Variants in AOPEP observed in about 807,000 individuals in gnomAD.
AOPEP encodes aminopeptidase O.
In AOPEP, 77 loss-of-function variants were observed where a neutral mutation model predicts 98.1. The observed-to-expected ratio is 0.78, with a 90% CI of 0.65 to 0.95. AOPEP has a LOEUF of 0.95. Among genes scored for constraint, AOPEP ranks in the 40% least tolerant of loss-of-function variants. The pLI is 0.00. For missense variants in AOPEP, 1,024 were observed against 1,024.7 expected, an observed-to-expected ratio of 1.00 and a Z score of 0.01; for synonymous variants, 346 against 365.3, an observed-to-expected ratio of 0.95 and a Z score of 0.60.
At chr9:94,993,261 T>G (rs181033370) in intron 11 of AOPEP, among the ~76,000 whole-genome samples, 1 of 152,286 alleles carries the variant, frequency 6.6e-6, no homozygotes, top group East Asian at 1.9e-4. Context: ...TTTTGAGACA[T>G]AGAGATAAAA....
At chr9:94,971,476 G>A (rs1589126207) in intron 10 of AOPEP, among the ~76,000 whole-genome samples, 1 of 152,200 alleles carries the variant, frequency 6.6e-6, no homozygotes. Context: ...TATTAGTTAT[G>A]CGACATATTG....
the AOPEP span, among the ~76,000 whole-genome samples, chr9:95,133,871 G>T: frequency 6.6e-6 from 1 of 152,186 alleles, no homozygotes; most frequent in Non-Finnish European, 1.5e-5. Flanking sequence ...CTGTCAGAGG[G>T]CTTCTGAAAG....
chr9:94,982,564 A>AATT (rs1564480333), intron 11 of AOPEP, among the ~76,000 whole-genome samples: 5 of 140,096 alleles, frequency 3.6e-5, no homozygotes, highest in African/African-American at 1.4e-4. Context: ...CAAGAGCAAT[A>AATT]CTTTTTTTTT....
chr9:94,882,394 TAAAG>T (rs147118597), intron 5 of AOPEP, among the ~76,000 whole-genome samples: 2,453 of 152,354 alleles, frequency 0.016, 73 homozygotes, highest in African/African-American at 0.056. Flanking sequence ...GCATACCAAT[TAAAG>T]AACACATCTC....
At chr9:94,925,264 C>T (rs1407842808) in intron 6 of AOPEP, among the ~76,000 whole-genome samples, 3 of 152,250 alleles carry the variant, frequency 2.0e-5, no homozygotes, top group African/African-American at 7.2e-5. Context: ...GCTGGGATTA[C>T]AGGCGTGAGC....
In AOPEP at chr9:94,760,025, A is replaced by G; in HGVS notation, c.242A>G (p.His81Arg). ...AAATTTGGGATGCCTGAACCCTGCC[A>G]TATTCCCGTGACAAATGCAAGGACC... ...ACKFGMPEPC[H>R]IPVTNARTFS... Residue 81 changes from histidine to arginine, a missense_variant, in exon 2 of 17, where the codon CAT (histidine) becomes CGT (arginine). His to Arg is a conservative substitution (Grantham distance 29). Transcript: ENST00000375315. 1 of 1,614,246 alleles carries G rather than the reference A, an allele frequency of 6.2e-7. No homozygotes were observed. The highest frequency in any genetic ancestry group is 8.5e-7 in the Non-Finnish European group (1 of 1,180,046).
rs1432767289 is a variant in AOPEP at position 94,732,536 on chromosome 9, G to T, written c.-136+5785G>T. Among the ~76,000 whole-genome samples, 3 of 152,260 alleles carry T rather than the reference G, an allele frequency of 2.0e-5. No homozygotes were observed. The East Asian group carries it at 5.8e-4, about 29-fold the overall frequency. ...TGTCTTCTATCAAGGAATTTCCTATGATAGGCAGTAAATTCCCTATTGGTG... is the reference window on the plus strand; with the variant it reads ...TGTCTTCTATCAAGGAATTTCCTATTATAGGCAGTAAATTCCCTATTGGTG... On this transcript the variant is annotated intron_variant, in intron 1 of 16. Transcript: ENST00000375315.
At chr9:94,804,961 C>T (rs1187144476) in intron 5 of AOPEP, among the ~76,000 whole-genome samples, 2 of 152,138 alleles carry the variant, frequency 1.3e-5, no homozygotes, top group Admixed American at 1.3e-4. Flanking sequence ...GCACTCCGGT[C>T]CACAGGCCTC....
chr9:94,810,585 G>T (rs1850331814), intron 5 of AOPEP, among the ~76,000 whole-genome samples: 1 of 152,140 alleles, frequency 6.6e-6, no homozygotes, highest in Non-Finnish European at 1.5e-5. Flanking sequence ...AAAGTGCTGG[G>T]ATTACAGGCG....
At chr9:95,087,356 A>G (rs1228122164), downstream of AOPEP, 2 of 151,500 alleles carry the variant, frequency 1.3e-5, no homozygotes, top group Non-Finnish European at 2.9e-5. Context: ...GGTGGTGGGC[A>G]CCTGTAATCC....
rs138731530 is a variant in AOPEP, at chr9:94,857,338, A to T, written c.1364+56336A>T. 1.6e-4 allele frequency among the ~76,000 whole-genome samples: 25 copies of T among 152,298 alleles called. No individual in the cohort carries two copies. In the East Asian group the frequency reaches 4.2e-3, roughly 26 times the overall value. On this transcript the variant is annotated intron_variant, in intron 5 of 16. Transcript: ENST00000375315. Reference sequence around the variant, plus strand: ...CTGCGAATTCACCTCATGTATGTTCATCTTAAACTGCAGAGCCATATTGAC... The same window carrying T: ...CTGCGAATTCACCTCATGTATGTTCTTCTTAAACTGCAGAGCCATATTGAC...
chr9:94,905,193 G>A (rs950718232), intron 5 of AOPEP, among the ~76,000 whole-genome samples: 1 of 152,102 alleles, frequency 6.6e-6, no homozygotes, highest in African/African-American at 2.4e-5. Context: ...AATAATTTTC[G>A]AGTTGCTACT....
chr9:95,123,519 A>G, the AOPEP span: 1 of 496,396 alleles, frequency 2.0e-6, no homozygotes, highest in Non-Finnish European at 4.0e-6. Flanking sequence ...CGTGCCTCCA[A>G]TATGATGAAA....
downstream of AOPEP, among the ~76,000 whole-genome samples, chr9:95,091,069 T>C (rs1207136928): frequency 1.3e-5 from 2 of 152,156 alleles, no homozygotes; most frequent in African/African-American, 4.8e-5. Context: ...GAGGGACCTG[T>C]GCCGCAGTGA....
At chr9:94,998,652 G>A (rs1353138745) in intron 11 of AOPEP, among the ~76,000 whole-genome samples, 1 of 152,238 alleles carries the variant, frequency 6.6e-6, no homozygotes, top group Non-Finnish European at 1.5e-5. Context: ...CAAGCCGGCT[G>A]TGTGCTCCTT....
chr9:95,082,889 T>TGGGAGCCCCGGGTCCC, intron 16 of AOPEP, 170 bp downstream of exon 16: 2 of 708,866 alleles, frequency 2.8e-6, no homozygotes, highest in Non-Finnish European at 2.3e-6. Context: ...TGGGCTGGTA[T>TGGGAGCCCCGGGTCCC]GGGAGCCCCG....
At position 95,086,002 on chromosome 9, in the gene AOPEP, G is replaced by C. The variant is rs1380842257; in HGVS notation, c.*5-680G>C. The C allele has an allele frequency of 3.7e-6, 5 of 1,365,840 alleles. No individual in the cohort carries two copies. In the South Asian group the frequency reaches 5.7e-5, roughly 16 times the overall value. 84.6% of individuals were successfully genotyped at this position (1,365,840 alleles called of 1,614,324 possible). ...CCCAGCTGAGGCGCTGCTTCTCCGG[G>C]CTGTCGATTGGACCCGCCCTCCGGT... On this transcript the variant is annotated intron_variant, in intron 16 of 16. Transcript: ENST00000375315.
chr9:95,138,335 T>C, the AOPEP span, among the ~76,000 whole-genome samples: 1 of 152,180 alleles, frequency 6.6e-6, no homozygotes, highest in South Asian at 2.1e-4. Context: ...CCTGTGCTTA[T>C]GCCCCTTGTG....
At chr9:94,789,331 C>G (rs1278079605) in intron 3 of AOPEP, among the ~76,000 whole-genome samples, 1 of 152,222 alleles carries the variant, frequency 6.6e-6, no homozygotes, top group Admixed American at 6.5e-5. Flanking sequence ...TGCTTATTTA[C>G]TGAGCTGCCA....
Sources: gnomAD v4.1 joint callset for allele counts (sites outside exome capture counted in the v4.1 genomes callset) on GRCh38, gnomAD v4.1.1 for gene constraint, MANE v1.5 for transcripts, NCBI Gene and HGNC (gene_info 2026-07-23, HGNC 2026-07-21) for gene names.